Variants in SPNS2 observed in about 807,000 individuals in gnomAD.
The protein encoded by SPNS2 is SPNS lysolipid transporter 2, sphingosine-1-phosphate.
In SPNS2, 37 loss-of-function variants were observed where a neutral mutation model predicts 57.6. The ratio of observed to expected loss-of-function variants is 0.64; its 90% CI spans 0.49 to 0.85. SPNS2 has a LOEUF of 0.85. Among genes scored for constraint, SPNS2 ranks in the 40% least tolerant of loss-of-function variants. SPNS2 has a pLI of 0.00. For missense variants in SPNS2, 831 were observed against 779.1 expected, an observed-to-expected ratio of 1.07 and a Z score of -0.79; for synonymous variants, 440 against 346.9, an observed-to-expected ratio of 1.27 and a Z score of -2.98.
At chr17:4,514,747 G>A (rs900344178) in intron 2 of SPNS2, among the ~76,000 whole-genome samples, 1 of 152,254 alleles carries the variant, frequency 6.6e-6, no homozygotes, top group Non-Finnish European at 1.5e-5. Context: ...GCCTGAGACA[G>A]GTTCCTCTAG....
In SPNS2 at chr17:4,499,563, C is replaced by G. The variant is rs952563796; in HGVS notation, c.370+146C>G. 8.5e-6 allele frequency: 4 copies of G among 471,964 alleles called. No individual in the cohort carries two copies. Among genetic ancestry groups the G allele is most frequent in the African/African-American group, 4.1e-5 (2 of 49,292 alleles). 29.2% of individuals were successfully genotyped at this position (471,964 alleles called of 1,614,324 possible). On this transcript the variant is annotated intron_variant, in intron 1 of 12. Transcript: ENST00000329078. This position sits in a 1 kb window ranked among gnomAD's most constrained non-coding sequence, Gnocchi z 5.2. ...GGTCCCTACGGACCCTCTGCTCAGG[C>G]ACAACTGGGCAAGGGATGCCTCCGT...
chr17:4,514,418 C>G (rs1043935061), intron 2 of SPNS2, among the ~76,000 whole-genome samples: 12 of 152,164 alleles, frequency 7.9e-5, no homozygotes, highest in African/African-American at 1.4e-4. Context: ...CCTGACCTGT[C>G]TAAGTGGCAT....
chr17:4,525,286 G>A (rs1252316230), intron 3 of SPNS2, 93 bp downstream of exon 3: 2 of 1,512,182 alleles, frequency 1.3e-6, no homozygotes. Flanking sequence ...TCCAGCCCAG[G>A]GCTTCCAGCT....
chr17:4,522,138 G>T (rs148547193), intron 2 of SPNS2, among the ~76,000 whole-genome samples: 4,525 of 152,338 alleles, frequency 0.03, 89 homozygotes, highest in Middle Eastern at 0.054. Flanking sequence ...GGCAGAGATT[G>T]CAGTGAGCTG....
rs11078514 is a variant in SPNS2, at chr17:4,535,987, G to C, written c.1345-89G>C. 3.1e-5 allele frequency: 33 copies of C among 1,078,030 alleles called. No individual in the cohort carries two copies. In the African/African-American group the frequency reaches 4.3e-4, roughly 14 times the overall value. 66.8% of individuals were successfully genotyped at this position (1,078,030 alleles called of 1,614,324 possible). ...AGGGCAGGAGTGAGTCTGAGGGTGTGGGGGCTTCAGAAGTGCCACGGCCCG... is the reference window on the plus strand; with the variant it reads ...AGGGCAGGAGTGAGTCTGAGGGTGTCGGGGCTTCAGAAGTGCCACGGCCCG... On this transcript the variant is annotated intron_variant, in intron 9 of 12. Transcript: ENST00000329078.
chr17:4,504,977 C>G (rs975035370), intron 1 of SPNS2, among the ~76,000 whole-genome samples: 1 of 152,160 alleles, frequency 6.6e-6, no homozygotes, highest in Admixed American at 6.5e-5. Flanking sequence ...ACCTCCTTTC[C>G]CCAGGACAAC....
chr17:4,498,891 G>C lies in SPNS2; in HGVS notation c.-157G>C, dbSNP rs1292600609. 7.8e-6 allele frequency: 2 copies of C among 256,738 alleles called. No individual in the cohort carries two copies. The highest frequency in any genetic ancestry group is 1.2e-5 in the Non-Finnish European group (2 of 164,250). The allele number at this position is 256,738 out of a possible 1,614,324, so 15.9% of individuals were successfully genotyped here. Reference sequence around the variant, plus strand: ...GGCGGCGAACGAGGCGCAGCGAGCTGAGCGGTGGCAGCGCCGCAGCCGGGG... The same window carrying C: ...GGCGGCGAACGAGGCGCAGCGAGCTCAGCGGTGGCAGCGCCGCAGCCGGGG... On this transcript the variant is annotated 5_prime_UTR_variant, in exon 1 of 13. Transcript: ENST00000329078.
chr17:4,500,015 G>T (rs1449020917), intron 1 of SPNS2, among the ~76,000 whole-genome samples: 1 of 152,160 alleles, frequency 6.6e-6, no homozygotes, highest in Non-Finnish European at 1.5e-5. Flanking sequence ...GAGGGGCGGG[G>T]CGGGTCCGCG....
intron 2 of SPNS2, among the ~76,000 whole-genome samples, chr17:4,523,701 C>T (rs1905197099): frequency 6.6e-6 from 1 of 152,154 alleles, no homozygotes. Context: ...GAGATTGCAC[C>T]ATTGCACTCT....
intron 6 of SPNS2, 63 bp downstream of exon 6, chr17:4,532,747 C>A: frequency 1.3e-6 from 2 of 1,568,398 alleles, no homozygotes; most frequent in Non-Finnish European, 1.7e-6. Context: ...GAGGGCCTGT[C>A]CCTGCAGGGC....
At chr17:4,536,520 G>A (rs1003027345) in intron 11 of SPNS2, 94 bp downstream of exon 11, 16 of 1,412,436 alleles carry the variant, frequency 1.1e-5, no homozygotes, top group Non-Finnish European at 1.5e-5. Context: ...GGCGGGGAGG[G>A]TACAGACCTC....
In SPNS2 at chr17:4,536,966, C is replaced by T. The variant is rs573092124; in HGVS notation, c.*4+20C>T. 1 of 1,610,688 alleles carries T rather than the reference C, an allele frequency of 6.2e-7. No individual in the cohort carries two copies. Among genetic ancestry groups the T allele is most frequent in the Non-Finnish European group, 8.5e-7 (1 of 1,178,798 alleles). On this transcript the variant is annotated intron_variant, in intron 12 of 12. Transcript: ENST00000329078. ...GAGGTGGTGAGTGCAGGCCGGGAGG[C>T]ACGTGGGGGCTCCCTAAGGAAAGGG...
chr17:4,507,263 A>G (rs898144011), intron 1 of SPNS2, among the ~76,000 whole-genome samples: 5 of 152,180 alleles, frequency 3.3e-5, no homozygotes, highest in Non-Finnish European at 7.4e-5. Context: ...TCTGAGAGGG[A>G]CTGGTGAAGG....
chr17:4,513,472 G>A (rs1255166823), intron 2 of SPNS2, among the ~76,000 whole-genome samples, 160 bp downstream of exon 2: 1 of 152,220 alleles, frequency 6.6e-6, no homozygotes, highest in Non-Finnish European at 1.5e-5. Context: ...ACCTGCCAAT[G>A]GCACTGCTTC....
intron 1 of SPNS2, among the ~76,000 whole-genome samples, chr17:4,505,708 G>A (rs576025289): frequency 6.6e-6 from 1 of 152,326 alleles, no homozygotes; most frequent in African/African-American, 2.4e-5. Flanking sequence ...TGGGAGGTTG[G>A]TGAGTGGGGC....
chr17:4,533,423 A>C lies in SPNS2; in HGVS notation c.1269A>C (p.Val423=). 6.2e-7 allele frequency: 1 copy of C among 1,603,846 alleles called. No homozygotes were observed. The highest frequency in any genetic ancestry group is 1.7e-4 in the Middle Eastern group (1 of 6,040). Residue 423 remains valine (V), a synonymous_variant, in exon 8 of 13, where the codon GTA becomes GTC. Coordinates refer to ENST00000329078, the MANE Select transcript of SPNS2 (RefSeq NM_001124758.3). The part of the protein sequence containing the change: ...LIFVAAKSSI[V]GAYICIFVGE... ...TCGTGGCTGCCAAGAGCAGCATCGT[A>C]GGAGCCTATGTGAGTGCAGCGGGGG...
intron 2 of SPNS2, among the ~76,000 whole-genome samples, chr17:4,516,316 C>CAAAAAAAAAAAAAAAAAAAAAAAAA (rs67710825): frequency 3.0e-5 from 2 of 67,494 alleles, no homozygotes; most frequent in African/African-American, 1.5e-4. Flanking sequence ...TCTATCTCCC[C>CAAAAAAAAAAAAAAAAAAAAAAAAA]AAAAAAAAAA....
chr17:4,502,830 A>G (rs1344149277), intron 1 of SPNS2, among the ~76,000 whole-genome samples: 1 of 152,070 alleles, frequency 6.6e-6, no homozygotes, highest in Non-Finnish European at 1.5e-5. Context: ...TCTGTTTATG[A>G]CAGTCCTTTC....
rs768470972 is a variant in SPNS2, at chr17:4,532,581, C to T, written c.832C>T (p.Leu278Phe). Residue 278 changes from leucine (L) to phenylalanine (F), a missense_variant, in exon 6 of 13, where the codon CTC becomes TTC. This residue lies in a region of SPNS2 where 526 missense variants were observed against 400.9 expected (regional missense o/e 1.31). Coordinates refer to ENST00000329078, the MANE Select transcript of SPNS2 (RefSeq NM_001124758.3). The stretch of plus-strand genomic sequence containing the variant: ...GGGCATGATCACAGGAACACTCATC[C>T]TCATTCTGGTCCCAGCCACTAAAAG... ...VLGMITGTLI[L>F]ILVPATKRGH... 13 of 1,614,022 alleles carry T rather than the reference C, an allele frequency of 8.1e-6. No individual in the cohort carries two copies. Among genetic ancestry groups the T allele is most frequent in the South Asian group, 1.1e-5 (1 of 91,078 alleles).
Sources: allele counts gnomAD v4.1 joint callset (sites outside exome capture counted in the v4.1 genomes callset), GRCh38; gene constraint gnomAD v4.1.1; regional missense constraint gnomAD v4.1.1; non-coding constraint Gnocchi (gnomAD v3.1); transcripts MANE v1.5; gene names NCBI Gene and HGNC (gene_info 2026-07-23, HGNC 2026-07-21).